Variants in C8orf34 observed in about 807,000 individuals in gnomAD.
C8orf34 encodes the protein chromosome 8 open reading frame 34.
Under a neutral mutation model 68.3 loss-of-function variants are expected in C8orf34, and 65 were observed. That is an observed-to-expected ratio of 0.95 (90% CI 0.78 to 1.17). C8orf34 has a LOEUF of 1.17. Ranked by LOEUF, C8orf34 falls within the 50% of genes most tolerant of loss-of-function variation. C8orf34 has a pLI of 0.00. For missense variants in C8orf34, 664 were observed against 655.4 expected (o/e 1.01, Z -0.14); for synonymous variants, 244 against 241.2 (o/e 1.01, Z -0.11).
rs771191923 is a variant in C8orf34, at chr8:68,439,529, C to A, written c.358C>A (p.Pro120Thr). Reference protein sequence around the residue: ...ELMTKLITETPDQPIPFLIDH... With the variant: ...ELMTKLITETTDQPIPFLIDH... ...AATGACCAAGTTAATAACTGAGACA[C>A]CTGACCAGCCAATCCCATTTCTCAT... The change falls in exon 2 of 14, where the codon CCT (proline) becomes ACT (threonine). Residue 120 changes from proline to threonine, a missense_variant. Physicochemically the swap from Pro to Thr is conservative, Grantham distance 38. Transcript: ENST00000518698. 1 of 1,613,664 alleles carries A rather than the reference C, an allele frequency of 6.2e-7. No homozygotes were observed. Among genetic ancestry groups the A allele is most frequent in the South Asian group, 1.1e-5 (1 of 91,060 alleles).
At chr8:68,535,399 T>C in intron 7 of C8orf34, 1 of 984,510 alleles carries the variant, frequency 1.0e-6, no homozygotes, top group Non-Finnish European at 1.2e-6. Context: ...ATATTTATTA[T>C]GCATGGAAAG....
At position 68,485,391 on chromosome 8, in the gene C8orf34, A is replaced by G. The variant is rs981778228; in HGVS notation, c.737-2632A>G. Among the ~76,000 whole-genome samples, 5 of 152,126 alleles carry G rather than the reference A, an allele frequency of 3.3e-5. No individual in the cohort carries two copies. The East Asian group carries it at 9.6e-4, about 29-fold the overall frequency. ...TGAGAAAACTCGTTTTGTAAGCCCG[A>G]GAGCATGATGCAGGAAGTTAAAAAA... is the stretch of plus-strand genomic sequence containing the variant. On this transcript the variant is annotated intron_variant, in intron 4 of 13. Coordinates refer to ENST00000518698, the MANE Select transcript of C8orf34 (RefSeq NM_052958.4).
In C8orf34 at chr8:68,647,501, C is replaced by T. The variant is rs543085917; in HGVS notation, c.1241+6990C>T. ...AAAGAAATATCTGCAAAGAATTCTT[C>T]TCATTCAGAGCCTGACTGGAAGATG... On this transcript the variant is annotated intron_variant, in intron 8 of 13. Transcript: ENST00000518698. 5.3e-5 allele frequency among the ~76,000 whole-genome samples: 8 copies of T among 152,290 alleles called. No homozygotes were observed. The South Asian group carries it at 6.2e-4, about 12-fold the overall frequency.
chr8:68,563,816 T>C (rs1235229202), intron 7 of C8orf34, among the ~76,000 whole-genome samples: 2 of 152,174 alleles, frequency 1.3e-5, no homozygotes, highest in Admixed American at 6.5e-5. Context: ...ACATTTCTAT[T>C]GAGTGACATA....
At chr8:68,625,301 T>A (rs1295718230) in intron 7 of C8orf34, among the ~76,000 whole-genome samples, 2 of 152,192 alleles carry the variant, frequency 1.3e-5, no homozygotes, top group Non-Finnish European at 2.9e-5. Flanking sequence ...AATTGATACC[T>A]TTTTATATTT....
At chr8:68,637,195 T>C (rs1318272989) in intron 7 of C8orf34, among the ~76,000 whole-genome samples, 1 of 152,182 alleles carries the variant, frequency 6.6e-6, no homozygotes, top group Non-Finnish European at 1.5e-5. Context: ...CTGTATTCTA[T>C]CTAGGGTAGA....
chr8:68,685,699 T>C (rs1239888197), intron 8 of C8orf34, among the ~76,000 whole-genome samples: 2 of 151,376 alleles, frequency 1.3e-5, no homozygotes, highest in African/African-American at 4.9e-5. Context: ...CTACCAAAAA[T>C]ACAAAAAGAA....
At chr8:68,621,736 G>T (rs575527798) in intron 7 of C8orf34, among the ~76,000 whole-genome samples, 1 of 152,078 alleles carries the variant, frequency 6.6e-6, no homozygotes, top group Non-Finnish European at 1.5e-5. Flanking sequence ...CTTCAACTTC[G>T]GTTAGTCAAG....
chr8:68,814,548 T>C (rs1824751294), intron 12 of C8orf34, among the ~76,000 whole-genome samples: 2 of 152,198 alleles, frequency 1.3e-5, no homozygotes, highest in African/African-American at 4.8e-5. Context: ...AAATATTTTT[T>C]TGTAGTTCCT....
intron 3 of C8orf34, among the ~76,000 whole-genome samples, chr8:68,461,398 C>T (rs1446304973): frequency 1.3e-5 from 2 of 152,222 alleles, no homozygotes; most frequent in Non-Finnish European, 2.9e-5. Context: ...CTTCCCCAAT[C>T]TAGCAAGGCA....
At chr8:68,346,887 A>G (rs1309903031) in intron 1 of C8orf34, among the ~76,000 whole-genome samples, 1 of 152,074 alleles carries the variant, frequency 6.6e-6, no homozygotes, top group East Asian at 1.9e-4. Flanking sequence ...TTTGGCAGTT[A>G]TAAATAAAGC....
chr8:68,674,520 TCAGAGTCTCTTAACAG>T (rs1158313974), intron 8 of C8orf34, among the ~76,000 whole-genome samples: 1 of 151,852 alleles, frequency 6.6e-6, no homozygotes, highest in Non-Finnish European at 1.5e-5. Flanking sequence ...GAAACATACA[TCAGAGTCTCTTAACAG>T]CAGAATTGAT....
chr8:68,586,007 G>A (rs1201987165), intron 7 of C8orf34, among the ~76,000 whole-genome samples: 2 of 152,006 alleles, frequency 1.3e-5, no homozygotes, highest in Non-Finnish European at 2.9e-5. Context: ...GGGGACCTTT[G>A]GGACCATCTT....
intron 7 of C8orf34, among the ~76,000 whole-genome samples, chr8:68,592,162 C>A (rs1162547851): frequency 2.0e-5 from 3 of 152,078 alleles, no homozygotes; most frequent in South Asian, 2.1e-4. Flanking sequence ...TTTTTTCTTT[C>A]ATCCTCTATT....
chr8:68,550,238 T>TA (rs1816020180), intron 7 of C8orf34, among the ~76,000 whole-genome samples: 1 of 151,744 alleles, frequency 6.6e-6, no homozygotes, highest in Admixed American at 6.6e-5. Flanking sequence ...TCTCCCTTCT[T>TA]AGTATATCTG....
intron 1 of C8orf34, among the ~76,000 whole-genome samples, chr8:68,403,473 T>G (rs1471659808): frequency 6.6e-6 from 1 of 152,138 alleles, no homozygotes; most frequent in Non-Finnish European, 1.5e-5. Context: ...CCATGGTGGT[T>G]TGCTGCACCC....
At chr8:68,492,647 G>A (rs1424013074) in intron 5 of C8orf34, among the ~76,000 whole-genome samples, 2 of 151,966 alleles carry the variant, frequency 1.3e-5, no homozygotes, top group Non-Finnish European at 2.9e-5. Context: ...ATAGGGTAAA[G>A]TAGCCAGAAG....
At chr8:68,741,593 A>C (rs72668504) in intron 10 of C8orf34, among the ~76,000 whole-genome samples, 26,884 of 152,150 alleles carry the variant, frequency 0.18, 2,566 homozygotes, top group Middle Eastern at 0.3. Flanking sequence ...CCATTAAATT[A>C]TCTTCAGTTC....
intron 11 of C8orf34, among the ~76,000 whole-genome samples, chr8:68,777,458 G>A (rs551306667): frequency 2.0e-5 from 3 of 152,356 alleles, no homozygotes; most frequent in South Asian, 4.1e-4. Flanking sequence ...GTACACAAGT[G>A]TAAATGCTCA....
Sources: allele counts gnomAD v4.1 joint callset (sites outside exome capture counted in the v4.1 genomes callset), GRCh38; gene constraint gnomAD v4.1.1; transcripts MANE v1.5; gene names NCBI Gene and HGNC (gene_info 2026-07-23, HGNC 2026-07-21).